PTPRD: variants seen among roughly 807,000 people sequenced by gnomAD.
PTPRD encodes the protein protein tyrosine phosphatase receptor type D, also known as receptor-type tyrosine-protein phosphatase delta.
PTPRD carries 34 observed loss-of-function variants against 214.5 expected under a neutral mutation model. The ratio of observed to expected loss-of-function variants is 0.16; its 90% CI spans 0.12 to 0.21. The LOEUF is 0.21. PTPRD is among the 10% of genes least tolerant of loss of function. The probability of loss-of-function intolerance (pLI) is 1.00; values close to 1 mark genes in which losing one functional copy is unlikely to be tolerated. For synonymous variants in PTPRD, 1,128 were observed against 845.7 expected (o/e 1.33, Z -5.79); for missense variants, 2,545 against 2,398.7 (o/e 1.06, Z -1.27).
chr9:10,395,009 T>C (rs2098140866), intron 2 of PTPRD, among the ~76,000 whole-genome samples: 1 of 148,834 alleles, frequency 6.7e-6, no homozygotes, highest in Non-Finnish European at 1.5e-5. Flanking sequence ...TTCTGCTGCC[T>C]GCACTTTATC....
intron 4 of PTPRD, among the ~76,000 whole-genome samples, chr9:9,945,851 A>C (rs2092467081): frequency 6.6e-6 from 1 of 152,178 alleles, no homozygotes. Flanking sequence ...TAAAAATCAG[A>C]AACAAAGAGC....
intron 10 of PTPRD, among the ~76,000 whole-genome samples, chr9:9,097,353 A>C (rs1827207246): frequency 6.6e-6 from 1 of 151,590 alleles, no homozygotes; most frequent in Non-Finnish European, 1.5e-5. Flanking sequence ...TAAGCTAAGG[A>C]CTGGAGGAAG....
chr9:9,539,250 G>A (rs1569569120), intron 8 of PTPRD, among the ~76,000 whole-genome samples: 1 of 151,844 alleles, frequency 6.6e-6, no homozygotes, highest in South Asian at 2.1e-4. Context: ...TCAGTGGCAG[G>A]TACCTAGGCC....
rs1821920919 is a variant in PTPRD at position 8,316,543 on chromosome 9, C to CTGAT, written c.*1327_*1330dup. ...ACACTTTTTTTAAACAACTCGATAG[C>CTGAT]TGATATATTACAACATTCTCCCCTC... On this transcript the variant is annotated 3_prime_UTR_variant, in exon 46 of 46. Coordinates refer to ENST00000381196, the MANE Select transcript of PTPRD (RefSeq NM_002839.4). 4.3e-6 allele frequency: 1 copy of CTGAT among 230,342 alleles called. No homozygotes were observed. The highest frequency in any genetic ancestry group is 8.6e-6 in the Non-Finnish European group (1 of 116,124). 14.3% of individuals were successfully genotyped at this position (230,342 alleles called of 1,614,324 possible). A position where few individuals can be genotyped will look rare whatever the true frequency, so the allele number is the denominator to read the frequency against.
chr9:9,838,919 A>C (rs1599333227), intron 5 of PTPRD, among the ~76,000 whole-genome samples: 1 of 152,048 alleles, frequency 6.6e-6, no homozygotes, highest in Non-Finnish European at 1.5e-5. Context: ...TTAAGTCTTT[A>C]ATCCATCTTG....
chr9:9,494,998 G>C lies in PTPRD; in HGVS notation c.-237+79734C>G, dbSNP rs562493070. On this transcript the variant is annotated intron_variant, in intron 8 of 45. Coordinates refer to ENST00000381196, the MANE Select transcript of PTPRD (RefSeq NM_002839.4). ...ACCAATGGATAGAAAAGAGAGCTCA[G>C]AAATAAACACTCACATATTTGGTAA... Among the ~76,000 whole-genome samples the C allele has an allele frequency of 3.3e-5, 5 of 152,182 alleles. No individual in the cohort carries two copies. In the East Asian group the frequency reaches 7.7e-4, roughly 24 times the overall value.
At chr9:8,336,034 C>G (rs1030132503) in intron 43 of PTPRD, among the ~76,000 whole-genome samples, 1 of 151,692 alleles carries the variant, frequency 6.6e-6, no homozygotes, top group Non-Finnish European at 1.5e-5. Flanking sequence ...CCATACTGCC[C>G]AAGGTAATTT....
intron 3 of PTPRD, among the ~76,000 whole-genome samples, chr9:10,109,821 T>A (rs1264436358): frequency 1.3e-5 from 2 of 152,102 alleles, no homozygotes; most frequent in African/African-American, 2.4e-5. Flanking sequence ...ACTATCTGGT[T>A]ATATATTTTT....
At chr9:9,599,031 C>T (rs2093569151) in intron 7 of PTPRD, among the ~76,000 whole-genome samples, 1 of 152,082 alleles carries the variant, frequency 6.6e-6, no homozygotes, top group East Asian at 1.9e-4. Context: ...ATGGATGATA[C>T]AATGGATGAT....
At chr9:10,143,035 A>G (rs1592250712) in intron 3 of PTPRD, among the ~76,000 whole-genome samples, 1 of 152,102 alleles carries the variant, frequency 6.6e-6, no homozygotes, top group Admixed American at 6.6e-5. Flanking sequence ...CAAAAAACCA[A>G]ACACCGCATA....
Position 8,331,629 on chromosome 9 carries a change from T to C in PTPRD, c.5487A>G (p.Lys1829=), listed in dbSNP as rs757860227. 1.9e-6 allele frequency: 3 copies of C among 1,612,886 alleles called. No homozygotes were observed. The highest frequency in any genetic ancestry group is 2.5e-6 in the Non-Finnish European group (3 of 1,179,740). The change falls in exon 44 of 46, where the codon AAA becomes AAG. Residue 1829 remains lysine (K), a synonymous_variant. Coordinates refer to ENST00000381196, the MANE Select transcript of PTPRD (RefSeq NM_002839.4). ...CATCTTGGCCAAACTGTTCTTTTGT[T>C]TTATGGACTTGGCCGATGAAGTCAA... The part of the protein sequence containing the change: ...GFIDFIGQVH[K]TKEQFGQDGP...
chr9:10,449,404 A>G (rs1484674560), intron 2 of PTPRD, among the ~76,000 whole-genome samples: 1 of 151,762 alleles, frequency 6.6e-6, no homozygotes, highest in African/African-American at 2.4e-5. Flanking sequence ...TCCACCTCCC[A>G]GCCGCCTGCC....
At chr9:9,728,727 T>G (rs1317340915) in intron 7 of PTPRD, among the ~76,000 whole-genome samples, 2 of 152,174 alleles carry the variant, frequency 1.3e-5, no homozygotes, top group Non-Finnish European at 2.9e-5. Context: ...TATGGATTGT[T>G]GCTTAATGAC....
intron 11 of PTPRD, among the ~76,000 whole-genome samples, chr9:8,853,275 T>C (rs1019173013): frequency 2.0e-5 from 3 of 152,324 alleles, no homozygotes; most frequent in Middle Eastern, 3.4e-3. Context: ...TCCTAAGACT[T>C]ATGACGCAAA....
At chr9:9,059,203 C>T (rs528980155) in intron 10 of PTPRD, among the ~76,000 whole-genome samples, 3 of 152,282 alleles carry the variant, frequency 2.0e-5, no homozygotes, top group South Asian at 2.1e-4. Context: ...ATACATTTTC[C>T]GTTAGGACTA....
At chr9:10,410,285 A>AC (rs149864190) in intron 2 of PTPRD, among the ~76,000 whole-genome samples, 5,069 of 137,930 alleles carry the variant, frequency 0.037, 268 homozygotes, top group East Asian at 0.29. Flanking sequence ...ACACACACAC[A>AC]ATATATAATA....
intron 10 of PTPRD, among the ~76,000 whole-genome samples, chr9:9,082,917 GA>G (rs1241888641): frequency 6.6e-6 from 1 of 152,140 alleles, no homozygotes; most frequent in Non-Finnish European, 1.5e-5. Context: ...CAAACGAATG[GA>G]AAAACATTCC....
chr9:8,429,186 T>C (rs1190439452), intron 35 of PTPRD, among the ~76,000 whole-genome samples: 1 of 152,178 alleles, frequency 6.6e-6, no homozygotes, highest in African/African-American at 2.4e-5. Flanking sequence ...CTGAACTCTA[T>C]CATCAGGGCA....
intron 11 of PTPRD, among the ~76,000 whole-genome samples, chr9:8,913,583 A>G (rs1223742070): frequency 6.6e-6 from 1 of 152,086 alleles, no homozygotes; most frequent in African/African-American, 2.4e-5. Flanking sequence ...AGTGACTTCC[A>G]TTTAATTGCT....
Sources: gnomAD v4.1 joint callset for allele counts (sites outside exome capture counted in the v4.1 genomes callset) on GRCh38, gnomAD v4.1.1 for gene constraint, MANE v1.5 for transcripts, NCBI Gene and HGNC (gene_info 2026-07-23, HGNC 2026-07-21) for gene names.